The following SLC35F3 variants were observed in gnomAD, a reference collection of about 807,000 sequenced individuals.
SLC35F3 encodes putative thiamine transporter SLC35F3.
SLC35F3 carries 25 observed loss-of-function variants against 49.9 expected under a neutral mutation model. The observed-to-expected ratio is 0.50, with a 90% CI of 0.37 to 0.70. SLC35F3 has a LOEUF of 0.70. Ranked by LOEUF, SLC35F3 falls within the 30% of genes least tolerant of loss-of-function variation. The pLI is 0.00. For synonymous variants in SLC35F3, 275 were observed against 265.4 expected, an observed-to-expected ratio of 1.04 and a Z score of -0.35; for missense variants, 525 against 639.8, an observed-to-expected ratio of 0.82 and a Z score of 1.94.
intron 3 of SLC35F3, among the ~76,000 whole-genome samples, chr1:234,244,981 CTCTCT>C (rs1667609842): frequency 2.6e-5 from 4 of 151,784 alleles, no homozygotes; most frequent in African/African-American, 7.3e-5. Flanking sequence ...ATTTCATGTC[CTCTCT>C]TCTCATTAGT....
chr1:234,029,923 T>C (rs751390046), intron 2 of SLC35F3, among the ~76,000 whole-genome samples: 6 of 152,166 alleles, frequency 3.9e-5, no homozygotes, highest in Non-Finnish European at 2.9e-5. Context: ...GAATTTCTTC[T>C]TGTATCTCTT....
rs904766208 is a variant in SLC35F3, at chr1:234,323,460, G to C, written c.*217G>C. 1 of 569,172 alleles carries C rather than the reference G, an allele frequency of 1.8e-6. No individual in the cohort carries two copies. The highest frequency in any genetic ancestry group is 3.1e-6 in the Non-Finnish European group (1 of 320,460). 35.3% of individuals were successfully genotyped at this position (569,172 alleles called of 1,614,324 possible). Reference sequence around the variant, plus strand: ...CAAAAGAGAAAAGAAGAACCTCTCAGTGCTTTTCCAACGAATGTAAAGTGG... The same window carrying C: ...CAAAAGAGAAAAGAAGAACCTCTCACTGCTTTTCCAACGAATGTAAAGTGG... On this transcript the variant is annotated 3_prime_UTR_variant, in exon 8 of 8. Coordinates refer to ENST00000366618, the MANE Select transcript of SLC35F3 (RefSeq NM_173508.4). This position sits in a 1 kb window ranked among gnomAD's most constrained non-coding sequence, Gnocchi z 4.5.
intron 2 of SLC35F3, among the ~76,000 whole-genome samples, chr1:233,944,849 C>G (rs1004424861): frequency 2.1e-5 from 3 of 146,262 alleles, no homozygotes; most frequent in Non-Finnish European, 3.0e-5. Flanking sequence ...AAACGATGCT[C>G]TTACGATTGT....
intron 2 of SLC35F3, among the ~76,000 whole-genome samples, chr1:234,180,074 C>T (rs552629320): frequency 2.0e-5 from 3 of 152,242 alleles, no homozygotes; most frequent in Admixed American, 2.0e-4. Flanking sequence ...CCACTGCCAA[C>T]CTCTAGGAAA....
At chr1:234,146,985 C>A (rs1452018358) in intron 2 of SLC35F3, among the ~76,000 whole-genome samples, 3 of 152,156 alleles carry the variant, frequency 2.0e-5, no homozygotes, top group Non-Finnish European at 4.4e-5. Context: ...ATTATAGGTT[C>A]AAAGATATTG....
chr1:234,286,405 G>T (rs1171092764), intron 3 of SLC35F3, among the ~76,000 whole-genome samples: 1 of 152,224 alleles, frequency 6.6e-6, no homozygotes, highest in Non-Finnish European at 1.5e-5. Flanking sequence ...AGGGGCGGGG[G>T]CGGGCAGCCC....
At chr1:234,136,564 T>C (rs975068889) in intron 2 of SLC35F3, among the ~76,000 whole-genome samples, 1 of 152,222 alleles carries the variant, frequency 6.6e-6, no homozygotes, top group Admixed American at 6.5e-5. Flanking sequence ...TAAACAGATA[T>C]TCCCACAAAT....
intron 3 of SLC35F3, among the ~76,000 whole-genome samples, chr1:234,279,260 T>C (rs886818108): frequency 1.3e-5 from 2 of 152,154 alleles, no homozygotes; most frequent in African/African-American, 4.8e-5. Context: ...CAATCAGATA[T>C]GCATCTATCT....
chr1:234,193,799 G>A (rs1280503277), intron 2 of SLC35F3, among the ~76,000 whole-genome samples: 1 of 151,972 alleles, frequency 6.6e-6, no homozygotes, highest in East Asian at 1.9e-4. Context: ...TGAATAGACA[G>A]TTCTCAAAAG....
chr1:234,232,710 C>T lies in SLC35F3; in HGVS notation c.608+969C>T, dbSNP rs113219470. ...CCACCCCACCCTGACAAACACATAA[C>T]CCCATAAGATTGCTATGTCCTGAAG... is the stretch of plus-strand genomic sequence containing the variant. On this transcript the variant is annotated intron_variant, in intron 3 of 7. Coordinates refer to ENST00000366618, the MANE Select transcript of SLC35F3 (RefSeq NM_173508.4). Among the ~76,000 whole-genome samples the T allele has an allele frequency of 2.4e-3, 365 of 150,818 alleles. 2 individuals carry two copies. The highest frequency in any genetic ancestry group is 8.4e-3 in the African/African-American group (346 of 41,274).
At chr1:233,991,463 TAAAGAAA>T (rs1035201167) in intron 2 of SLC35F3, among the ~76,000 whole-genome samples, 14 of 151,384 alleles carry the variant, frequency 9.2e-5, no homozygotes, top group Admixed American at 2.6e-4. Context: ...AAAAGAAAAA[TAAAGAAA>T]AAAGAAAAAA....
At chr1:234,200,594 A>G (rs1235790720) in intron 2 of SLC35F3, among the ~76,000 whole-genome samples, 4 of 152,158 alleles carry the variant, frequency 2.6e-5, no homozygotes, top group East Asian at 1.9e-4. Flanking sequence ...ATGCACTTAC[A>G]TGGCCTTTTA....
Position 234,320,315 on chromosome 1 carries a change from T to TACAC in SLC35F3, c.1237+140_1237+143dup. On this transcript the variant is annotated intron_variant, in intron 7 of 7. Transcript: ENST00000366618. The surrounding 1 kb of genome is among the most constrained non-coding windows in gnomAD (Gnocchi z 4.8). ...ACACTCACATACACACACTCATGCA[T>TACAC]ACACACACACACACATACTCTCACA... 1 of 672,232 alleles carries TACAC rather than the reference T, an allele frequency of 1.5e-6. No homozygotes were observed. Among genetic ancestry groups the TACAC allele is most frequent in the Non-Finnish European group, 2.7e-6 (1 of 367,238 alleles). 41.6% of individuals were successfully genotyped at this position (672,232 alleles called of 1,614,324 possible).
rs192166006 is a variant in SLC35F3, at chr1:233,997,918, A to C, written c.283+92160A>C. Among the ~76,000 whole-genome samples the C allele has an allele frequency of 1.9e-3, 289 of 151,832 alleles. 2 individuals are homozygous for C. Among genetic ancestry groups the C allele is most frequent in the Middle Eastern group, 6.8e-3 (2 of 294 alleles). On this transcript the variant is annotated intron_variant, in intron 2 of 7. Transcript: ENST00000366618. The stretch of plus-strand genomic sequence containing the variant: ...AGGCACCCACCACCATGCTTGGCTA[A>C]TTTTTGTATTTTTAGTAGATATGGG...
At position 234,276,008 on chromosome 1, in the gene SLC35F3, G is replaced by A. The variant is rs182013421; in HGVS notation, c.609-33093G>A. On this transcript the variant is annotated intron_variant, in intron 3 of 7. Coordinates refer to ENST00000366618, the MANE Select transcript of SLC35F3 (RefSeq NM_173508.4). ...CTATGAAATGAAAGAGTCAGAAGAT[G>A]AGCTCAGGTGGTCCAAGCCCAGAGC... Among the ~76,000 whole-genome samples the A allele has an allele frequency of 5.3e-4, 80 of 152,180 alleles. 1 individual carries two copies. The highest frequency in any genetic ancestry group is 1.8e-3 in the African/African-American group (75 of 41,508).
rs144788751 is a variant in SLC35F3, at chr1:234,083,057, A to G, written c.284-148360A>G. Among the ~76,000 whole-genome samples the G allele has an allele frequency of 1.8e-3, 274 of 152,338 alleles. 3 individuals carry two copies. Among genetic ancestry groups the G allele is most frequent in the Admixed American group, 4.1e-3 (62 of 15,302 alleles). On this transcript the variant is annotated intron_variant, in intron 2 of 7. Transcript: ENST00000366618. ...TCAATTACCTGTTATACTGGAGGAG[A>G]ATAAGAGAGAGAAGGCATTTTTCCT...
At chr1:234,301,961 T>C (rs1017209725) in intron 3 of SLC35F3, among the ~76,000 whole-genome samples, 4 of 152,118 alleles carry the variant, frequency 2.6e-5, no homozygotes, top group African/African-American at 9.7e-5. Context: ...ACACCCCACA[T>C]TCTCACTCAT....
intron 2 of SLC35F3, among the ~76,000 whole-genome samples, chr1:233,969,357 G>A (rs59117969): frequency 0.027 from 4,078 of 152,290 alleles, 176 homozygotes; most frequent in African/African-American, 0.091. Context: ...AGCTGACATG[G>A]TGTGATCATC....
At position 234,231,631 on chromosome 1, in the gene SLC35F3, C is replaced by G. The variant is rs754879791; in HGVS notation, c.498C>G (p.Pro166=). The change falls in exon 3 of 8, where the codon CCC becomes CCG. Residue 166 remains proline, a synonymous_variant. Coordinates refer to ENST00000366618, the MANE Select transcript of SLC35F3 (RefSeq NM_173508.4). This position sits in a 1 kb window ranked among gnomAD's most constrained non-coding sequence, Gnocchi z 5.4. Reference sequence around the variant, plus strand: ...TGACCTTCAGGAAGTTCGACGCGCCCTTCACCCTCACGTGGTTTGCCACCA... The same window carrying G: ...TGACCTTCAGGAAGTTCGACGCGCCGTTCACCCTCACGTGGTTTGCCACCA... ...AKLTFRKFDA[P]FTLTWFATNW... 2 of 1,614,110 alleles carry G rather than the reference C, an allele frequency of 1.2e-6. No homozygotes were observed. Among genetic ancestry groups the G allele is most frequent in the East Asian group, 4.5e-5 (2 of 44,896 alleles).
Sources: gnomAD v4.1 joint callset for allele counts (sites outside exome capture counted in the v4.1 genomes callset) on GRCh38, gnomAD v4.1.1 for gene constraint, Gnocchi (gnomAD v3.1) non-coding constraint, MANE v1.5 for transcripts, NCBI Gene and HGNC (gene_info 2026-07-23, HGNC 2026-07-21) for gene names.